SOX5: variants seen among roughly 807,000 people sequenced by gnomAD.
The protein encoded by SOX5 is transcription factor SOX-5.
Under a neutral mutation model 92.0 loss-of-function variants are expected in SOX5, and 9 were observed. The observed-to-expected ratio is 0.10, with a 90% CI of 0.06 to 0.17. The LOEUF (loss-of-function observed/expected upper bound fraction) is 0.17, where lower values mean the gene tolerates loss of function less well. Ranked by LOEUF, SOX5 falls within the 10% of genes least tolerant of loss-of-function variation. SOX5 has a pLI of 1.00. For missense variants in SOX5, 642 were observed against 944.5 expected (o/e 0.68, Z 4.20); for synonymous variants, 344 against 336.3 (o/e 1.02, Z -0.25).
Position 23,876,964 on chromosome 12 carries a change from G to A in SOX5, c.270+18829C>T, listed in dbSNP as rs574272966. ...AACAATGAGAACACATGGACACAGG[G>A]AGGTGAGCATCACACACTGGGGCCT... On this transcript the variant is annotated intron_variant, in intron 2 of 14. Transcript: ENST00000451604. Among the ~76,000 whole-genome samples the A allele has an allele frequency of 2.0e-5, 3 of 152,026 alleles. No homozygotes were observed. The South Asian group carries it at 6.2e-4, about 32-fold the overall frequency.
chr12:24,017,328 G>A (rs1421921947), intron 4 of SOX5, among the ~76,000 whole-genome samples: 1 of 152,168 alleles, frequency 6.6e-6, no homozygotes, highest in Non-Finnish European at 1.5e-5. Context: ...GTTATGTGTG[G>A]TGGTTCATGC....
At chr12:24,448,534 G>A (rs540155492) in intron 1 of SOX5, among the ~76,000 whole-genome samples, 3 of 152,170 alleles carry the variant, frequency 2.0e-5, no homozygotes, top group Admixed American at 1.3e-4. Flanking sequence ...GAACTACAGG[G>A]GACTTCTTGG....
chr12:23,761,762 G>A (rs574887715), intron 3 of SOX5, among the ~76,000 whole-genome samples: 1 of 152,052 alleles, frequency 6.6e-6, no homozygotes, highest in Non-Finnish European at 1.5e-5. Context: ...TATTTGATAG[G>A]TGGTACTGTG....
At chr12:23,577,360 C>T (rs11046984) in intron 9 of SOX5, among the ~76,000 whole-genome samples, 26,493 of 150,806 alleles carry the variant, frequency 0.18, 2,600 homozygotes, top group Middle Eastern at 0.35. Flanking sequence ...CCACCACGTC[C>T]GGCTAATTTT....
At chr12:23,889,120 C>CT (rs2097102306) in intron 2 of SOX5, among the ~76,000 whole-genome samples, 1 of 152,158 alleles carries the variant, frequency 6.6e-6, no homozygotes, top group African/African-American at 2.4e-5. Flanking sequence ...AGTAATTACA[C>CT]TTTTGTTCAG....
At chr12:24,163,486 G>A (rs552563189) in intron 4 of SOX5, among the ~76,000 whole-genome samples, 85 of 149,866 alleles carry the variant, frequency 5.7e-4, no homozygotes, top group African/African-American at 2.1e-3. Context: ...TGCATTTTGG[G>A]CCTTCTAATT....
At chr12:23,910,334 A>T (rs1025305147) in intron 1 of SOX5, among the ~76,000 whole-genome samples, 1 of 152,202 alleles carries the variant, frequency 6.6e-6, no homozygotes, top group South Asian at 2.1e-4. Context: ...GTAAGATATG[A>T]TTCTGAAATT....
intron 4 of SOX5, among the ~76,000 whole-genome samples, chr12:24,044,045 T>C (rs930911382): frequency 3.3e-5 from 5 of 152,186 alleles, no homozygotes; most frequent in African/African-American, 1.2e-4. Context: ...ATTGTCATCA[T>C]TGTTGTTTTA....
chr12:23,715,599 A>G (rs181131446), intron 6 of SOX5, among the ~76,000 whole-genome samples: 62 of 152,268 alleles, frequency 4.1e-4, no homozygotes, highest in Admixed American at 4.0e-3. Flanking sequence ...TTTATGACCA[A>G]TAACAACATT....
intron 1 of SOX5, among the ~76,000 whole-genome samples, chr12:24,551,163 A>G (rs1398919366): frequency 6.6e-6 from 1 of 152,206 alleles, no homozygotes; most frequent in Non-Finnish European, 1.5e-5. Context: ...CTCTCTTTTC[A>G]GGCTGCTTTC....
chr12:23,836,720 C>G, intron 3 of SOX5, among the ~76,000 whole-genome samples: 1 of 151,996 alleles, frequency 6.6e-6, no homozygotes, highest in South Asian at 2.1e-4. Context: ...ATATGGCACC[C>G]TCATAATGAT....
intron 2 of SOX5, among the ~76,000 whole-genome samples, chr12:23,888,765 C>T (rs376109597): frequency 2.0e-5 from 3 of 152,174 alleles, no homozygotes; most frequent in African/African-American, 4.8e-5. Context: ...TAAACAGCTT[C>T]GTGTGGTATT....
intron 4 of SOX5, among the ~76,000 whole-genome samples, chr12:23,990,545 G>C (rs1950472173): frequency 6.6e-6 from 1 of 152,056 alleles, no homozygotes; most frequent in South Asian, 2.1e-4. Flanking sequence ...CGCATTCTCT[G>C]TGAAACCTTC....
At chr12:23,666,809 G>T (rs1359410321) in intron 6 of SOX5, among the ~76,000 whole-genome samples, 2 of 152,120 alleles carry the variant, frequency 1.3e-5, no homozygotes, top group African/African-American at 2.4e-5. Context: ...AAAAGTAAAA[G>T]AAACAAATAC....
chr12:24,223,855 C>T (rs149560059), intron 3 of SOX5, among the ~76,000 whole-genome samples: 2 of 152,278 alleles, frequency 1.3e-5, no homozygotes, highest in East Asian at 1.9e-4. Context: ...AATGTCATCA[C>T]GTTTCAGACT....
intron 4 of SOX5, among the ~76,000 whole-genome samples, chr12:24,025,209 T>C (rs1175432463): frequency 6.6e-6 from 1 of 151,988 alleles, no homozygotes; most frequent in Admixed American, 6.6e-5. Context: ...GATGGGCCTT[T>C]GTGTTGAAGG....
chr12:23,627,256 G>C (rs2077949428), intron 8 of SOX5, among the ~76,000 whole-genome samples: 1 of 152,118 alleles, frequency 6.6e-6, no homozygotes, highest in Admixed American at 6.5e-5. Flanking sequence ...TTTTTAGTAA[G>C]AATTGAAACA....
At chr12:23,917,805 T>G (rs181393492) in intron 1 of SOX5, among the ~76,000 whole-genome samples, 3 of 152,260 alleles carry the variant, frequency 2.0e-5, no homozygotes, top group African/African-American at 7.2e-5. Flanking sequence ...TTGGCTAATA[T>G]TTTTATTATA....
intron 6 of SOX5, among the ~76,000 whole-genome samples, chr12:23,680,648 G>A (rs1172687937): frequency 6.6e-6 from 1 of 151,922 alleles, no homozygotes; most frequent in Non-Finnish European, 1.5e-5. Flanking sequence ...GCCCATAAAT[G>A]TAATGGGTAA....
Sources: allele counts gnomAD v4.1 joint callset (sites outside exome capture counted in the v4.1 genomes callset), GRCh38; gene constraint gnomAD v4.1.1; transcripts MANE v1.5; gene names NCBI Gene and HGNC (gene_info 2026-07-23, HGNC 2026-07-21).